Variants in MITF observed in about 807,000 individuals in gnomAD.
The protein encoded by MITF is microphthalmia-associated transcription factor.
A neutral mutation model predicts 60.5 loss-of-function variants in MITF; 17 were observed. The observed-to-expected ratio is 0.28, with a 90% CI of 0.19 to 0.42. MITF has a LOEUF of 0.42. Ranked by LOEUF, MITF falls within the 10% of genes least tolerant of loss-of-function variation. The probability of loss-of-function intolerance (pLI) is 1.00; values close to 1 mark genes in which losing one functional copy is unlikely to be tolerated. For synonymous variants in MITF, 260 were observed against 248.5 expected (o/e 1.05, Z -0.43); for missense variants, 622 against 683.5 (o/e 0.91, Z 1.00).
chr3:69,818,880 CA>C (rs2063222028), intron 1 of MITF, among the ~76,000 whole-genome samples: 1 of 152,112 alleles, frequency 6.6e-6, no homozygotes, highest in Non-Finnish European at 1.5e-5. Context: ...TGGGCATTAA[CA>C]GGTTAATTTT....
chr3:69,763,724 T>C, intron 1 of MITF: 4 of 1,334,214 alleles, frequency 3.0e-6, no homozygotes, highest in Non-Finnish European at 3.9e-6. Context: ...CTGTAGCTTG[T>C]TTGGTCAGTC....
chr3:69,935,294 C>T (rs113877230), intron 2 of MITF, among the ~76,000 whole-genome samples: 1 of 152,228 alleles, frequency 6.6e-6, no homozygotes, highest in African/African-American at 2.4e-5. Context: ...ATAAAGACCT[C>T]ACTGACAGTG....
chr3:69,882,775 C>T (rs370956438), intron 2 of MITF, among the ~76,000 whole-genome samples: 1 of 152,152 alleles, frequency 6.6e-6, no homozygotes, highest in Non-Finnish European at 1.5e-5. Context: ...TATGTAGTCA[C>T]CAAGCATCTG....
intron 1 of MITF, among the ~76,000 whole-genome samples, chr3:69,808,128 T>C (rs2063039958): frequency 7.1e-6 from 1 of 141,234 alleles, no homozygotes; most frequent in Non-Finnish European, 1.5e-5. Flanking sequence ...ATATATAATA[T>C]AAAAATATAT....
chr3:69,770,310 A>G (rs932946855), intron 1 of MITF, among the ~76,000 whole-genome samples: 1 of 152,208 alleles, frequency 6.6e-6, no homozygotes, highest in African/African-American at 2.4e-5. Context: ...TAATGGTGAC[A>G]CATTAATGGG....
At chr3:69,906,523 T>C (rs1163801575) in intron 2 of MITF, among the ~76,000 whole-genome samples, 1 of 152,242 alleles carries the variant, frequency 6.6e-6, no homozygotes, top group Non-Finnish European at 1.5e-5. Flanking sequence ...TTTGTCATTC[T>C]ACTAGTTATC....
intron 2 of MITF, among the ~76,000 whole-genome samples, chr3:69,913,866 AGT>A (rs2065275694): frequency 6.6e-6 from 1 of 152,222 alleles, no homozygotes; most frequent in African/African-American, 2.4e-5. Context: ...TCAGAAATGC[AGT>A]CTAGATTTGA....
intron 1 of MITF, among the ~76,000 whole-genome samples, chr3:69,777,289 T>C (rs761713891): frequency 6.6e-6 from 1 of 152,246 alleles, no homozygotes; most frequent in Non-Finnish European, 1.5e-5. Flanking sequence ...TAAATTTCAA[T>C]GTTATATCTT....
intron 1 of MITF, among the ~76,000 whole-genome samples, chr3:69,747,272 A>C (rs1703762923): frequency 6.6e-6 from 1 of 152,246 alleles, no homozygotes; most frequent in East Asian, 1.9e-4. Flanking sequence ...TATGGAAATT[A>C]AATGGAGCAT....
intron 1 of MITF, among the ~76,000 whole-genome samples, chr3:69,814,133 A>T (rs947835317): frequency 2.0e-5 from 3 of 152,128 alleles, no homozygotes; most frequent in Admixed American, 1.3e-4. Flanking sequence ...TAAAAAAAAA[A>T]AAGTGCAACT....
intron 1 of MITF, among the ~76,000 whole-genome samples, chr3:69,777,990 A>T (rs768223122): frequency 6.6e-6 from 1 of 152,096 alleles, no homozygotes; most frequent in Non-Finnish European, 1.5e-5. Context: ...ATTGTAGGAG[A>T]TGGTGACAAA....
chr3:69,844,032 T>G (rs536972560), intron 1 of MITF, among the ~76,000 whole-genome samples: 48 of 152,340 alleles, frequency 3.2e-4, no homozygotes, highest in Admixed American at 1.0e-3. Flanking sequence ...CTGAGAATTA[T>G]GGTTTCCAGC....
chr3:69,844,794 A>G (rs1559669012), intron 1 of MITF, among the ~76,000 whole-genome samples: 1 of 152,188 alleles, frequency 6.6e-6, no homozygotes, highest in Admixed American at 6.5e-5. Flanking sequence ...AAAAAGAAAA[A>G]CTATTTTCCA....
chr3:69,774,944 T>G (rs1347576846), intron 1 of MITF, among the ~76,000 whole-genome samples: 1 of 152,186 alleles, frequency 6.6e-6, no homozygotes, highest in Non-Finnish European at 1.5e-5. Flanking sequence ...ACTTTCACAT[T>G]GCATTGCTTC....
At chr3:69,756,948 G>A (rs1704174556) in intron 1 of MITF, among the ~76,000 whole-genome samples, 1 of 152,164 alleles carries the variant, frequency 6.6e-6, no homozygotes, top group African/African-American at 2.4e-5. Flanking sequence ...AGAAGTGTCT[G>A]TTGATATCCT....
chr3:69,942,789 A>G (rs146431127), intron 5 of MITF, among the ~76,000 whole-genome samples: 60 of 152,244 alleles, frequency 3.9e-4, no homozygotes, highest in African/African-American at 1.4e-3. Flanking sequence ...CATGAGTAAA[A>G]CACTTGGGGG....
chr3:69,749,265 G>T (rs1703840851), intron 1 of MITF, among the ~76,000 whole-genome samples: 1 of 152,178 alleles, frequency 6.6e-6, no homozygotes, highest in Non-Finnish European at 1.5e-5. Context: ...ACACAGATAT[G>T]TCATTGGTCA....
intron 2 of MITF, among the ~76,000 whole-genome samples, chr3:69,911,557 A>C (rs1041729727): frequency 2.0e-5 from 3 of 152,342 alleles, no homozygotes; most frequent in African/African-American, 7.2e-5. Flanking sequence ...AACCATATTG[A>C]TAACATAAAT....
chr3:69,867,724 G>A (rs1004213572), intron 1 of MITF, among the ~76,000 whole-genome samples: 1 of 152,026 alleles, frequency 6.6e-6, no homozygotes, highest in African/African-American at 2.4e-5. Flanking sequence ...ATTAATAATG[G>A]ATGGCATGAA....
Sources: allele counts gnomAD v4.1 joint callset (sites outside exome capture counted in the v4.1 genomes callset), GRCh38; gene constraint gnomAD v4.1.1; transcripts MANE v1.5; gene names NCBI Gene and HGNC (gene_info 2026-07-23, HGNC 2026-07-21).